Variants in ARHGAP40 observed in about 807,000 individuals in gnomAD.
The protein encoded by ARHGAP40 is rho GTPase-activating protein 40.
ARHGAP40 carries 43 observed loss-of-function variants against 73.5 expected under a neutral mutation model. The ratio of observed to expected loss-of-function variants is 0.58; its 90% CI spans 0.46 to 0.75. The LOEUF (loss-of-function observed/expected upper bound fraction) is 0.75, where lower values mean the gene tolerates loss of function less well. ARHGAP40 is among the 30% of genes least tolerant of loss of function. The probability of loss-of-function intolerance (pLI) is 0.00; values close to 1 mark genes in which losing one functional copy is unlikely to be tolerated. For missense variants in ARHGAP40, 734 were observed against 861.8 expected (o/e 0.85, Z 1.86); for synonymous variants, 300 against 352.8 (o/e 0.85, Z 1.68).
intron 1 of ARHGAP40, among the ~76,000 whole-genome samples, chr20:38,610,976 A>G (rs549340995): frequency 7.3e-6 from 1 of 137,280 alleles, no homozygotes; most frequent in East Asian, 2.1e-4. Context: ...TGCAACCTCC[A>G]CCTCCGGGGT....
chr20:38,621,315 G>T (rs1466764618), intron 1 of ARHGAP40, among the ~76,000 whole-genome samples: 1 of 152,176 alleles, frequency 6.6e-6, no homozygotes, highest in Non-Finnish European at 1.5e-5. Flanking sequence ...CTCTTCTACT[G>T]TACAAAGGAA....
Position 38,646,261 on chromosome 20 carries a change from C to T in ARHGAP40, c.1710+74C>T. On this transcript the variant is annotated intron_variant, in intron 12 of 14. Transcript: ENST00000373345. This position sits in a 1 kb window ranked among gnomAD's most constrained non-coding sequence, Gnocchi z 4.5. ...AGGGCACCTGGGGCGCGGTGCTTCC[C>T]TTCCTCCAGGTCCCCGCTACCGGGC... is the stretch of plus-strand genomic sequence containing the variant. 6 of 1,218,406 alleles carry T rather than the reference C, an allele frequency of 4.9e-6. No homozygotes were observed. The highest frequency in any genetic ancestry group is 6.4e-6 in the Non-Finnish European group (6 of 942,930). 75.5% of individuals were successfully genotyped at this position (1,218,406 alleles called of 1,614,324 possible).
In ARHGAP40 at chr20:38,647,543, A is replaced by G. The variant is rs1254576982; in HGVS notation, c.1880+417A>G. 4.7e-5 allele frequency among the ~76,000 whole-genome samples: 7 copies of G among 149,746 alleles called. No homozygotes were observed. In the Middle Eastern group the frequency reaches 0.014, roughly 293 times the overall value. ...GTAGCTGGGATTACATGCACCTGCC[A>G]CCATGCCTGGATAATTTTTTTGTAT... On this transcript the variant is annotated intron_variant, in intron 13 of 14. Transcript: ENST00000373345.
At chr20:38,602,122 G>T (rs1386286115) in intron 1 of ARHGAP40, 43 bp downstream of exon 1, 17 of 1,251,966 alleles carry the variant, frequency 1.4e-5, no homozygotes, top group Middle Eastern at 3.3e-4. Flanking sequence ...GCCCTACTAT[G>T]CACCAGGGGC....
intron 1 of ARHGAP40, among the ~76,000 whole-genome samples, chr20:38,607,973 T>C (rs1264701803): frequency 6.6e-6 from 1 of 152,194 alleles, no homozygotes; most frequent in Non-Finnish European, 1.5e-5. Context: ...TCTTTATATA[T>C]ATAGACTGAA....
intron 3 of ARHGAP40, among the ~76,000 whole-genome samples, 170 bp from the exon 4 acceptor site, chr20:38,628,757 C>T (rs2088918693): frequency 6.6e-6 from 1 of 152,320 alleles, no homozygotes; most frequent in Non-Finnish European, 1.5e-5. Context: ...GCCCCAGTGC[C>T]CATTCCCCGA....
At chr20:38,611,840 C>T (rs2088806829) in intron 1 of ARHGAP40, among the ~76,000 whole-genome samples, 1 of 152,068 alleles carries the variant, frequency 6.6e-6, no homozygotes, top group South Asian at 2.1e-4. Context: ...TCCCAAAGTG[C>T]TGGGATTACA....
chr20:38,614,513 AG>A, intron 1 of ARHGAP40, among the ~76,000 whole-genome samples: 1 of 152,014 alleles, frequency 6.6e-6, no homozygotes. Context: ...AGGATCAAGA[AG>A]GGGGAAAAAA....
chr20:38,621,697 T>C (rs1568606259), intron 1 of ARHGAP40, among the ~76,000 whole-genome samples: 1 of 152,226 alleles, frequency 6.6e-6, no homozygotes. Context: ...TGCTCACTTC[T>C]GCATTGCTGG....
Position 38,646,034 on chromosome 20 carries a change from C to A in ARHGAP40, c.1570-13C>A. On this transcript the variant is annotated splice_polypyrimidine_tract_variant and intron_variant, in intron 11 of 14. Transcript: ENST00000373345. The surrounding 1 kb of genome is among the most constrained non-coding windows in gnomAD (Gnocchi z 4.5). ...TCCTATCCCCCTGCCAAAACTTGAT[C>A]CTTTCTGGCCAGGTCGCCTCTTTCC... The A allele has an allele frequency of 1.5e-6, 2 of 1,295,366 alleles. No homozygotes were observed. The highest frequency in any genetic ancestry group is 2.0e-6 in the Non-Finnish European group (2 of 983,438). 80.2% of individuals were successfully genotyped at this position (1,295,366 alleles called of 1,614,324 possible). A position where few individuals can be genotyped will look rare whatever the true frequency, so the allele number is the denominator to read the frequency against.
At chr20:38,648,338 C>T (rs1251382912) in intron 13 of ARHGAP40, among the ~76,000 whole-genome samples, 2 of 152,382 alleles carry the variant, frequency 1.3e-5, no homozygotes, top group Middle Eastern at 3.4e-3. Flanking sequence ...CATCTGTCAC[C>T]ACTCATTCCC....
At chr20:38,611,546 C>T (rs542406230) in intron 1 of ARHGAP40, among the ~76,000 whole-genome samples, 146 of 150,834 alleles carry the variant, frequency 9.7e-4, no homozygotes, top group East Asian at 4.3e-3. Context: ...GCCTCCTGAA[C>T]GGCTGGGACT....
At chr20:38,625,315 A>T (rs751305946) in intron 2 of ARHGAP40, among the ~76,000 whole-genome samples, 1 of 152,076 alleles carries the variant, frequency 6.6e-6, no homozygotes, top group South Asian at 2.1e-4. Flanking sequence ...AGCCACTTTG[A>T]GCAACCAAAT....
At chr20:38,627,022 A>G in exon 3 of ARHGAP40, 1 of 1,304,742 alleles carries the variant, frequency 7.7e-7, no homozygotes, top group Non-Finnish European at 1.0e-6. Context: ...CAGTGGCTGC[A>G]GGACACAGGC....
chr20:38,648,732 C>T (rs760335351), intron 14 of ARHGAP40, 34 bp downstream of exon 14: 45 of 1,302,764 alleles, frequency 3.5e-5, no homozygotes, highest in Non-Finnish European at 4.3e-5. Context: ...GAACAGAGCC[C>T]GGGTCCCTGG....
At position 38,646,019 on chromosome 20, in the gene ARHGAP40, C is replaced by T; in HGVS notation, c.1570-28C>T. 7.8e-7 allele frequency: 1 copy of T among 1,285,638 alleles called. No individual in the cohort carries two copies. The highest frequency in any genetic ancestry group is 1.3e-5 in the South Asian group (1 of 79,032). 79.6% of individuals were successfully genotyped at this position (1,285,638 alleles called of 1,614,324 possible). A position where few individuals can be genotyped will look rare whatever the true frequency, so the allele number is the denominator to read the frequency against. On this transcript the variant is annotated intron_variant, in intron 11 of 14. Coordinates refer to ENST00000373345, the Ensembl canonical transcript of ARHGAP40. The surrounding 1 kb of genome is among the most constrained non-coding windows in gnomAD (Gnocchi z 4.5). ...TCTCGCCCCCAGAAGTCCTATCCCC[C>T]TGCCAAAACTTGATCCTTTCTGGCC...
At chr20:38,622,118 T>A (rs978935162) in intron 1 of ARHGAP40, among the ~76,000 whole-genome samples, 11 of 150,292 alleles carry the variant, frequency 7.3e-5, no homozygotes, top group South Asian at 2.1e-4. Context: ...TATTTTTTTT[T>A]TAAAAAGGCA....
chr20:38,631,939 T>C (rs186779252), intron 5 of ARHGAP40, among the ~76,000 whole-genome samples: 1 of 152,118 alleles, frequency 6.6e-6, no homozygotes, highest in Non-Finnish European at 1.5e-5. Flanking sequence ...GTACATCAAA[T>C]AACATTTATA....
At chr20:38,602,761 C>G (rs2088742810) in intron 1 of ARHGAP40, among the ~76,000 whole-genome samples, 1 of 152,154 alleles carries the variant, frequency 6.6e-6, no homozygotes, top group South Asian at 2.1e-4. Context: ...TCTTGTGTTA[C>G]ATGTGCTTGT....
Sources: gnomAD v4.1 joint callset for allele counts (sites outside exome capture counted in the v4.1 genomes callset) on GRCh38, gnomAD v4.1.1 for gene constraint, Gnocchi (gnomAD v3.1) non-coding constraint, MANE v1.5 for transcripts, NCBI Gene and HGNC (gene_info 2026-07-23, HGNC 2026-07-21) for gene names.